Variants in ARID5B observed in about 807,000 individuals in gnomAD.
ARID5B encodes the protein AT-rich interactive domain-containing protein 5B.
A neutral mutation model predicts 97.2 loss-of-function variants in ARID5B; 13 were observed. The ratio of observed to expected loss-of-function variants is 0.13; its 90% CI spans 0.09 to 0.21. ARID5B has a LOEUF of 0.21. Ranked by LOEUF, ARID5B falls within the 10% of genes least tolerant of loss-of-function variation. The pLI, the probability that ARID5B is intolerant of heterozygous loss-of-function variation, is 1.00. For synonymous variants in ARID5B, 556 were observed against 570.3 expected (o/e 0.97, Z 0.36); for missense variants, 1,210 against 1,465.3 (o/e 0.83, Z 2.84).
intron 2 of ARID5B, among the ~76,000 whole-genome samples, chr10:61,934,134 CCT>C (rs1844258156): frequency 1.3e-5 from 2 of 152,106 alleles, no homozygotes; most frequent in Non-Finnish European, 2.9e-5. Flanking sequence ...CATGAATCAA[CCT>C]CTGTTAGCTT....
chr10:62,065,358 G>A (rs191868809), intron 7 of ARID5B, among the ~76,000 whole-genome samples: 11 of 152,050 alleles, frequency 7.2e-5, no homozygotes, highest in Admixed American at 5.2e-4. Flanking sequence ...CTTTCTTTTC[G>A]TGACACCATC....
At chr10:62,004,407 G>A (rs928853404) in intron 4 of ARID5B, among the ~76,000 whole-genome samples, 1 of 152,158 alleles carries the variant, frequency 6.6e-6, no homozygotes, top group Admixed American at 6.5e-5. Flanking sequence ...GAAAGCAACA[G>A]ACTCCCCATT....
chr10:62,002,277 A>G (rs935660646), intron 4 of ARID5B, among the ~76,000 whole-genome samples: 6 of 152,194 alleles, frequency 3.9e-5, no homozygotes, highest in African/African-American at 1.4e-4. Context: ...ATTAGTTTTA[A>G]ATGTTCTCAC....
intron 2 of ARID5B, among the ~76,000 whole-genome samples, chr10:61,912,858 TC>T (rs1843832196): frequency 6.6e-6 from 1 of 152,128 alleles, no homozygotes; most frequent in African/African-American, 2.4e-5. Context: ...CCCTAAGCTC[TC>T]CAACGGAAGA....
chr10:61,915,948 G>C (rs1284593852), intron 2 of ARID5B, among the ~76,000 whole-genome samples: 1 of 152,162 alleles, frequency 6.6e-6, no homozygotes, highest in Non-Finnish European at 1.5e-5. Context: ...TAGAGACTGG[G>C]TTTCACCATG....
At chr10:62,046,451 CA>C (rs1409440347) in intron 4 of ARID5B, among the ~76,000 whole-genome samples, 2 of 152,102 alleles carry the variant, frequency 1.3e-5, no homozygotes, top group African/African-American at 4.8e-5. Context: ...TTAAGAAAAA[CA>C]AACTTGTTTT....
intron 3 of ARID5B, among the ~76,000 whole-genome samples, chr10:61,950,165 G>A (rs936836706): frequency 9.9e-5 from 15 of 152,182 alleles, no homozygotes; most frequent in South Asian, 4.2e-4. Context: ...GTGCCACCAC[G>A]CCCAGCTAAT....
At chr10:61,962,369 T>C (rs140314457) in intron 3 of ARID5B, among the ~76,000 whole-genome samples, 26 of 152,322 alleles carry the variant, frequency 1.7e-4, no homozygotes, top group African/African-American at 5.3e-4. Context: ...ATTGCATAAT[T>C]GATAAAAGCT....
intron 3 of ARID5B, among the ~76,000 whole-genome samples, chr10:61,973,730 C>A (rs1838662224): frequency 6.6e-6 from 1 of 152,160 alleles, no homozygotes; most frequent in South Asian, 2.1e-4. Flanking sequence ...CAATAAAAAG[C>A]TTTGCTTGAT....
chr10:62,027,547 T>C (rs920377905), intron 4 of ARID5B, among the ~76,000 whole-genome samples: 1 of 151,866 alleles, frequency 6.6e-6, no homozygotes, highest in African/African-American at 2.4e-5. Flanking sequence ...TCTCCTGACC[T>C]GGTGATCTGC....
At chr10:61,962,591 C>T (rs756038205) in intron 3 of ARID5B, among the ~76,000 whole-genome samples, 3 of 152,190 alleles carry the variant, frequency 2.0e-5, no homozygotes, top group Non-Finnish European at 2.9e-5. Context: ...CTGTGCTCCA[C>T]TCTGTTATGC....
intron 2 of ARID5B, among the ~76,000 whole-genome samples, chr10:61,932,549 A>C (rs1844229326): frequency 6.6e-6 from 1 of 151,636 alleles, no homozygotes; most frequent in Admixed American, 6.6e-5. Flanking sequence ...AGCTGGAACT[A>C]TGGGTGTGTG....
chr10:62,029,878 T>G (rs1839472602), intron 4 of ARID5B, among the ~76,000 whole-genome samples: 1 of 152,232 alleles, frequency 6.6e-6, no homozygotes. Flanking sequence ...TATGTCTCCT[T>G]TAACGATGTG....
chr10:61,920,477 C>T (rs573662012), intron 2 of ARID5B, among the ~76,000 whole-genome samples: 4 of 152,086 alleles, frequency 2.6e-5, no homozygotes, highest in East Asian at 1.9e-4. Flanking sequence ...GGATTACAGG[C>T]GTGTGCCACC....
At chr10:62,083,144 A>G (rs1293069640) in intron 8 of ARID5B, among the ~76,000 whole-genome samples, 1 of 152,004 alleles carries the variant, frequency 6.6e-6, no homozygotes, top group Non-Finnish European at 1.5e-5. Context: ...ATTCAGTTTT[A>G]CCTTAGTCAT....
At chr10:61,933,021 A>ATATGG (rs1306119866) in intron 2 of ARID5B, among the ~76,000 whole-genome samples, 1 of 152,202 alleles carries the variant, frequency 6.6e-6, no homozygotes, top group Non-Finnish European at 1.5e-5. Context: ...AGTTCAGGCC[A>ATATGG]TATGGTGCCA....
intron 4 of ARID5B, among the ~76,000 whole-genome samples, chr10:62,028,678 G>T (rs1253405197): frequency 6.6e-6 from 1 of 151,976 alleles, no homozygotes; most frequent in East Asian, 1.9e-4. Context: ...CTCTTAGAAG[G>T]GGCTGGGCAT....
At chr10:61,937,716 CAT>C (rs1844329798) in intron 2 of ARID5B, among the ~76,000 whole-genome samples, 1 of 152,192 alleles carries the variant, frequency 6.6e-6, no homozygotes, top group South Asian at 2.1e-4. Flanking sequence ...TTTTCTTAGA[CAT>C]AGAGACTTGC....
chr10:62,069,915 CT>C (rs1314723102), intron 8 of ARID5B, 118 bp downstream of exon 8: 2 of 990,914 alleles, frequency 2.0e-6, no homozygotes, highest in Non-Finnish European at 3.0e-6. Flanking sequence ...AAATTTCCCT[CT>C]GGCATTTTAC....
Sources: allele counts gnomAD v4.1 joint callset (sites outside exome capture counted in the v4.1 genomes callset), GRCh38; gene constraint gnomAD v4.1.1; transcripts MANE v1.5; gene names NCBI Gene and HGNC (gene_info 2026-07-23, HGNC 2026-07-21).